Variants in LRRC7 observed in about 807,000 individuals in gnomAD.
LRRC7 encodes leucine-rich repeat-containing protein 7.
In LRRC7, 23 loss-of-function variants were observed where a neutral mutation model predicts 175.7. The observed-to-expected ratio is 0.13, with a 90% CI of 0.09 to 0.19. The LOEUF (loss-of-function observed/expected upper bound fraction) is 0.19. LRRC7 is among the 10% of genes least tolerant of loss of function. The pLI is 1.00. For synonymous variants in LRRC7, 685 were observed against 680.9 expected (o/e 1.01, Z -0.09); for missense variants, 1,354 against 1,904.7 (o/e 0.71, Z 5.38).
At chr1:69,825,680 A>G (rs1679823732) in intron 4 of LRRC7, 68 bp from the exon 5 acceptor site, 2 of 997,068 alleles carry the variant, frequency 2.0e-6, no homozygotes, top group East Asian at 5.3e-5. Context: ...TTATCTAAAT[A>G]TTAGAACTAT....
chr1:69,795,904 T>C (rs571541275), intron 4 of LRRC7, among the ~76,000 whole-genome samples: 2 of 144,548 alleles, frequency 1.4e-5, no homozygotes, highest in East Asian at 2.0e-4. Flanking sequence ...TAAACAGATT[T>C]TTTTTGGGTT....
intron 9 of LRRC7, among the ~76,000 whole-genome samples, chr1:69,984,466 T>A (rs1653747451): frequency 1.3e-5 from 2 of 152,208 alleles, no homozygotes; most frequent in Non-Finnish European, 2.9e-5. Flanking sequence ...GATAAACAGA[T>A]GAACCATTCG....
At chr1:70,008,149 T>A (rs995442607) in intron 11 of LRRC7, among the ~76,000 whole-genome samples, 4 of 152,100 alleles carry the variant, frequency 2.6e-5, no homozygotes, top group Admixed American at 2.0e-4. Flanking sequence ...GAGTCCAATG[T>A]TTGAGGGCAG....
At chr1:69,963,228 C>G (rs1452529737) in intron 8 of LRRC7, among the ~76,000 whole-genome samples, 3 of 151,086 alleles carry the variant, frequency 2.0e-5, no homozygotes, top group African/African-American at 7.3e-5. Flanking sequence ...TTGCTTGAAC[C>G]CAGGAGGCAG....
rs142827307 is a variant in LRRC7 at position 69,947,026 on chromosome 1, T to C, written c.711+15456T>C. On this transcript the variant is annotated intron_variant, in intron 8 of 26. Coordinates refer to ENST00000651989, the MANE Select transcript of LRRC7 (RefSeq NM_001370785.2). ...CAGGGAAGCAGAGGTTGCAGTGAGC[T>C]GAGATCGCACCACTGCACTCCAGCT... Among the ~76,000 whole-genome samples the C allele has an allele frequency of 8.1e-3, 1,231 of 152,104 alleles. 14 individuals carry two copies. The highest frequency in any genetic ancestry group is 0.027 in the African/African-American group (1,127 of 41,494).
At chr1:69,695,636 C>G (rs1055426587) in intron 2 of LRRC7, among the ~76,000 whole-genome samples, 1 of 152,160 alleles carries the variant, frequency 6.6e-6, no homozygotes, top group Non-Finnish European at 1.5e-5. Context: ...ATCATAGGCC[C>G]AGAGGTCTAG....
intron 7 of LRRC7, among the ~76,000 whole-genome samples, chr1:69,854,060 T>A (rs2101480055): frequency 6.6e-6 from 1 of 152,310 alleles, no homozygotes; most frequent in East Asian, 1.9e-4. Context: ...GTTTTTTAGT[T>A]GAGATCCTTG....
chr1:69,923,710 T>A (rs1403285616), intron 7 of LRRC7, among the ~76,000 whole-genome samples: 1 of 151,980 alleles, frequency 6.6e-6, no homozygotes, highest in African/African-American at 2.4e-5. Flanking sequence ...TAGCCCTTTG[T>A]CAGATGAGTA....
intron 7 of LRRC7, among the ~76,000 whole-genome samples, chr1:69,899,804 C>A (rs922207242): frequency 6.6e-6 from 1 of 152,120 alleles, no homozygotes; most frequent in South Asian, 2.1e-4. Context: ...GCTCTTCGGC[C>A]GTATGAGGAC....
At chr1:69,664,350 C>A (rs973139120) in intron 1 of LRRC7, among the ~76,000 whole-genome samples, 1 of 152,096 alleles carries the variant, frequency 6.6e-6, no homozygotes, top group Non-Finnish European at 1.5e-5. Context: ...AATAAAGTAG[C>A]TGTTTTATTT....
At chr1:69,953,166 T>C (rs1345613025) in intron 8 of LRRC7, among the ~76,000 whole-genome samples, 1 of 151,984 alleles carries the variant, frequency 6.6e-6, no homozygotes, top group Non-Finnish European at 1.5e-5. Flanking sequence ...CTCGTAGTCT[T>C]TACTAACCTA....
intron 8 of LRRC7, among the ~76,000 whole-genome samples, chr1:69,952,178 T>C (rs972751447): frequency 6.6e-6 from 1 of 152,082 alleles, no homozygotes; most frequent in African/African-American, 2.4e-5. Flanking sequence ...TTATTATCAC[T>C]GTTTCTGAAC....
chr1:69,718,477 C>T (rs549876266), intron 2 of LRRC7, among the ~76,000 whole-genome samples: 10 of 151,886 alleles, frequency 6.6e-5, no homozygotes, highest in Non-Finnish European at 5.9e-5. Context: ...TCGTATGTCT[C>T]CTGCATGGCA....
chr1:69,854,325 C>A (rs1683338149), intron 7 of LRRC7, among the ~76,000 whole-genome samples: 1 of 151,954 alleles, frequency 6.6e-6, no homozygotes, highest in Non-Finnish European at 1.5e-5. Context: ...TGGTAAGATC[C>A]CATCTCTACA....
intron 1 of LRRC7, among the ~76,000 whole-genome samples, chr1:69,598,817 G>C (rs1398183366): frequency 6.6e-6 from 1 of 152,144 alleles, no homozygotes; most frequent in Non-Finnish European, 1.5e-5. Flanking sequence ...CATCAGCAAA[G>C]TCAATAATCC....
rs776514164 is a variant in LRRC7 at position 69,835,155 on chromosome 1, T to C, written c.590+286T>C. Reference sequence around the variant, plus strand: ...CTGAGGGAAAAAAAGGAGATGAATATTTATGGCTCTTTTGTTGAGAAATAC... The same window carrying C: ...CTGAGGGAAAAAAAGGAGATGAATACTTATGGCTCTTTTGTTGAGAAATAC... On this transcript the variant is annotated intron_variant, in intron 6 of 26. Coordinates refer to ENST00000651989, the MANE Select transcript of LRRC7 (RefSeq NM_001370785.2). Among the ~76,000 whole-genome samples, 129 of 151,986 alleles carry C rather than the reference T, an allele frequency of 8.5e-4. 2 individuals carry two copies. Among genetic ancestry groups the C allele is most frequent in the Middle Eastern group, 3.4e-3 (1 of 294 alleles).
rs199977693 is a variant in LRRC7 at position 70,018,517 on chromosome 1, AAAG to A, written c.1321-193_1321-191del. 7.2e-3 allele frequency among the ~76,000 whole-genome samples: 1,095 copies of A among 152,228 alleles called. 7 individuals carry two copies. Among genetic ancestry groups the A allele is most frequent in the Non-Finnish European group, 0.01 (692 of 67,952 alleles). ...GATAAGTTTTGTAAAAGGATATACT[AAAG>A]AAGAAGAAAACTTTATTATGAAAAT... is the stretch of plus-strand genomic sequence containing the variant. On this transcript the variant is annotated intron_variant, in intron 14 of 26. Coordinates refer to ENST00000651989, the MANE Select transcript of LRRC7 (RefSeq NM_001370785.2).
chr1:70,115,783 T>C (rs1665810400), intron 26 of LRRC7, among the ~76,000 whole-genome samples: 2 of 150,670 alleles, frequency 1.3e-5, no homozygotes, highest in African/African-American at 5.0e-5. Flanking sequence ...AATGAACCTG[T>C]CATTTAAGAG....
intron 25 of LRRC7, among the ~76,000 whole-genome samples, chr1:70,098,296 A>G (rs1353313764): frequency 6.6e-6 from 1 of 152,128 alleles, no homozygotes; most frequent in Non-Finnish European, 1.5e-5. Flanking sequence ...CAACATACCA[A>G]AATCTCTGGG....
Sources: allele counts gnomAD v4.1 joint callset (sites outside exome capture counted in the v4.1 genomes callset), GRCh38; gene constraint gnomAD v4.1.1; transcripts MANE v1.5; gene names NCBI Gene and HGNC (gene_info 2026-07-23, HGNC 2026-07-21).